Variants in GALNT18 observed in about 807,000 individuals in gnomAD.
The protein encoded by GALNT18 is polypeptide N-acetylgalactosaminyltransferase 18.
A neutral mutation model predicts 69.5 loss-of-function variants in GALNT18; 44 were observed. The ratio of observed to expected loss-of-function variants is 0.63; its 90% CI spans 0.50 to 0.81. The LOEUF is 0.81. GALNT18 is among the 40% of genes least tolerant of loss of function. The probability of loss-of-function intolerance (pLI) is 0.00; values close to 1 mark genes in which losing one functional copy is unlikely to be tolerated. For synonymous variants in GALNT18, 364 were observed against 318.2 expected (o/e 1.14, Z -1.53); for missense variants, 715 against 810.0 (o/e 0.88, Z 1.42).
chr11:11,426,432 A>C (rs1855131902), intron 3 of GALNT18, among the ~76,000 whole-genome samples: 1 of 152,222 alleles, frequency 6.6e-6, no homozygotes, highest in Admixed American at 6.5e-5. Context: ...ACAAAGAATC[A>C]GAGTGCCCTG....
chr11:11,282,101 CAG>C lies in GALNT18; in HGVS notation c.1678-10813_1678-10812del, dbSNP rs374292062. 9.1e-4 allele frequency among the ~76,000 whole-genome samples: 138 copies of C among 152,260 alleles called. 1 individual carries two copies. The highest frequency in any genetic ancestry group is 3.4e-3 in the Middle Eastern group (1 of 294). Reference sequence around the variant, plus strand: ...TTAAAACTTGCTTAAACTTTTAAAACAGAGATAGCACTGGCCACCAGCACTGT... The same window carrying C: ...TTAAAACTTGCTTAAACTTTTAAAACAGATAGCACTGGCCACCAGCACTGT... On this transcript the variant is annotated intron_variant, in intron 10 of 10. Coordinates refer to ENST00000227756, the MANE Select transcript of GALNT18 (RefSeq NM_198516.3).
chr11:11,499,767 C>G (rs1231187129), intron 1 of GALNT18, among the ~76,000 whole-genome samples: 3 of 152,222 alleles, frequency 2.0e-5, no homozygotes, highest in Non-Finnish European at 4.4e-5. Context: ...AAGAAAGATT[C>G]AGACCTCTGC....
At chr11:11,316,433 T>C (rs1424131603) in intron 9 of GALNT18, among the ~76,000 whole-genome samples, 1 of 152,168 alleles carries the variant, frequency 6.6e-6, no homozygotes, top group Non-Finnish European at 1.5e-5. Context: ...GAGAGGTCTT[T>C]AATGCCCCTG....
chr11:11,609,895 C>T (rs141808853), intron 1 of GALNT18, among the ~76,000 whole-genome samples: 1 of 152,230 alleles, frequency 6.6e-6, no homozygotes, highest in East Asian at 1.9e-4. Flanking sequence ...CTTTTATGGT[C>T]CCCTACCCCA....
Position 11,511,118 on chromosome 11 carries a change from T to C in GALNT18, c.236-62182A>G, listed in dbSNP as rs559384285. ...CCAGGCTGCAGCTGAAGGCCTTCTC[T>C]CCCGGGGGTTGTAAAAACAGGCTGC... On this transcript the variant is annotated intron_variant, in intron 1 of 10. Transcript: ENST00000227756. This position sits in a 1 kb window ranked among gnomAD's most constrained non-coding sequence, Gnocchi z 4.9. Among the ~76,000 whole-genome samples the C allele has an allele frequency of 0.1, 15,151 of 152,114 alleles. 1,008 individuals are homozygous for C. The highest frequency in any genetic ancestry group is 0.2 in the South Asian group (944 of 4,796).
intron 10 of GALNT18, among the ~76,000 whole-genome samples, chr11:11,287,078 A>T (rs2132995242): frequency 1.3e-5 from 2 of 152,146 alleles, no homozygotes; most frequent in Middle Eastern, 3.4e-3. Context: ...CAGCTCAATA[A>T]ATTGTTCCTA....
chr11:11,347,968 G>A lies in GALNT18; in HGVS notation c.1093-6964C>T, dbSNP rs1244471160. ...CACTCGCAGAGTGGCTGAACGGTCA[G>A]AGATGTAGGCAAATAATAGGGGTGG... On this transcript the variant is annotated intron_variant, in intron 6 of 10. Coordinates refer to ENST00000227756, the MANE Select transcript of GALNT18 (RefSeq NM_198516.3). The surrounding 1 kb of genome is among the most constrained non-coding windows in gnomAD (Gnocchi z 4.0). Among the ~76,000 whole-genome samples the A allele has an allele frequency of 6.6e-6, 1 of 152,188 alleles. No individual in the cohort carries two copies. Among genetic ancestry groups the A allele is most frequent in the Non-Finnish European group, 1.5e-5 (1 of 68,032 alleles).
chr11:11,393,017 TCA>T (rs1854231592), intron 3 of GALNT18, among the ~76,000 whole-genome samples: 1 of 151,862 alleles, frequency 6.6e-6, no homozygotes, highest in East Asian at 1.9e-4. Flanking sequence ...CTGGAGGGGG[TCA>T]CTGAAACCAA....
At chr11:11,566,793 G>A (rs1425591394) in intron 1 of GALNT18, among the ~76,000 whole-genome samples, 2 of 152,188 alleles carry the variant, frequency 1.3e-5, no homozygotes, top group African/African-American at 4.8e-5. Context: ...AAAAGGTCCT[G>A]ATGAACAGAC....
In GALNT18 at chr11:11,387,575, G is replaced by A. The variant is rs1046850390; in HGVS notation, c.596-8311C>T. On this transcript the variant is annotated intron_variant, in intron 3 of 10. Transcript: ENST00000227756. This position sits in a 1 kb window ranked among gnomAD's most constrained non-coding sequence, Gnocchi z 4.6. ...AAAGTGGCTTGTCTTCTTCAGATCAGAAGATTAACTGGCTTTTCTCTGAAG... is the reference window on the plus strand; with the variant it reads ...AAAGTGGCTTGTCTTCTTCAGATCAAAAGATTAACTGGCTTTTCTCTGAAG... Among the ~76,000 whole-genome samples, 4 of 152,208 alleles carry A rather than the reference G, an allele frequency of 2.6e-5. No individual in the cohort carries two copies. Among genetic ancestry groups the A allele is most frequent in the Non-Finnish European group, 2.9e-5 (2 of 68,040 alleles).
chr11:11,285,352 A>G (rs540601079), intron 10 of GALNT18, among the ~76,000 whole-genome samples: 15 of 152,298 alleles, frequency 9.8e-5, no homozygotes, highest in African/African-American at 3.4e-4. Flanking sequence ...AGTACCTTAT[A>G]GCGCTATCAT....
intron 10 of GALNT18, among the ~76,000 whole-genome samples, chr11:11,286,844 T>C (rs554795886): frequency 6.6e-6 from 1 of 152,288 alleles, no homozygotes; most frequent in East Asian, 1.9e-4. Flanking sequence ...TGATGCTTTG[T>C]ATTCAGGCTG....
chr11:11,376,290 G>A lies in GALNT18; in HGVS notation c.977+892C>T, dbSNP rs571530217. ...CCACCTACTTGGGAGGCTGAGGCAG[G>A]AGAATCACTTGAACCCAGGGGCCAG... On this transcript the variant is annotated intron_variant, in intron 5 of 10. Coordinates refer to ENST00000227756, the MANE Select transcript of GALNT18 (RefSeq NM_198516.3). 3.9e-5 allele frequency among the ~76,000 whole-genome samples: 6 copies of A among 152,300 alleles called. No individual in the cohort carries two copies. The South Asian group carries it at 8.3e-4, about 21-fold the overall frequency.
chr11:11,375,829 G>A (rs186788385), intron 5 of GALNT18, among the ~76,000 whole-genome samples: 1 of 152,332 alleles, frequency 6.6e-6, no homozygotes, highest in East Asian at 1.9e-4. Context: ...GTAACTTCAG[G>A]AAAGTTAGGT....
chr11:11,575,765 AG>A (rs1858911525), intron 1 of GALNT18, among the ~76,000 whole-genome samples: 1 of 152,208 alleles, frequency 6.6e-6, no homozygotes, highest in Non-Finnish European at 1.5e-5. Flanking sequence ...AAAGGAGAGA[AG>A]AGGAAAAGAA....
intron 9 of GALNT18, among the ~76,000 whole-genome samples, chr11:11,307,606 G>A (rs1317809876): frequency 6.6e-6 from 1 of 152,148 alleles, no homozygotes; most frequent in Non-Finnish European, 1.5e-5. Flanking sequence ...TTCTTCAAGA[G>A]GAAAGAAGGA....
intron 3 of GALNT18, among the ~76,000 whole-genome samples, chr11:11,423,993 T>A (rs144115978): frequency 2.9e-3 from 438 of 152,154 alleles, no homozygotes; most frequent in African/African-American, 0.01. Context: ...GTCACTTGAG[T>A]CTCAGGCCCA....
intron 7 of GALNT18, among the ~76,000 whole-genome samples, chr11:11,335,301 T>C (rs1850092798): frequency 6.6e-6 from 1 of 152,246 alleles, no homozygotes; most frequent in African/African-American, 2.4e-5. Flanking sequence ...CTTATCTTTC[T>C]GAATATCAAG....
intron 10 of GALNT18, among the ~76,000 whole-genome samples, chr11:11,286,856 C>G (rs1209392846): frequency 1.3e-5 from 2 of 152,118 alleles, no homozygotes; most frequent in Non-Finnish European, 2.9e-5. Flanking sequence ...TTCAGGCTGG[C>G]CCAGTGAGAA....
Sources: gnomAD v4.1 joint callset for allele counts (sites outside exome capture counted in the v4.1 genomes callset) on GRCh38, gnomAD v4.1.1 for gene constraint, Gnocchi (gnomAD v3.1) non-coding constraint, MANE v1.5 for transcripts, NCBI Gene and HGNC (gene_info 2026-07-23, HGNC 2026-07-21) for gene names.